Variants in ACTR3C observed in about 807,000 individuals in gnomAD.
The protein encoded by ACTR3C is actin-related protein 3C.
ACTR3C carries 18 observed loss-of-function variants against 26.3 expected under a neutral mutation model. The ratio of observed to expected loss-of-function variants is 0.68; its 90% CI spans 0.47 to 1.01. ACTR3C has a LOEUF of 1.01. Among genes scored for constraint, ACTR3C ranks in the 50% least tolerant of loss-of-function variants. ACTR3C has a pLI of 0.00. For missense variants in ACTR3C, 184 were observed against 250.7 expected, an observed-to-expected ratio of 0.73 and a Z score of 1.80; for synonymous variants, 55 against 94.5, an observed-to-expected ratio of 0.58 and a Z score of 2.42.
chr7:150,161,292 G>A, the ACTR3C span, among the ~76,000 whole-genome samples: 1 of 146,674 alleles, frequency 6.8e-6, no homozygotes, highest in South Asian at 2.2e-4. Context: ...GTATACATGT[G>A]CCATGTTGGT....
chr7:149,895,433 AT>A, the ACTR3C span, among the ~76,000 whole-genome samples: 1 of 152,206 alleles, frequency 6.6e-6, no homozygotes, highest in African/African-American at 2.4e-5. Flanking sequence ...GAGGTAATGC[AT>A]TTGTTAATTA....
At chr7:150,257,992 G>A (rs1456735482) in intron 6 of ACTR3C, among the ~76,000 whole-genome samples, 2 of 152,232 alleles carry the variant, frequency 1.3e-5, no homozygotes, top group Non-Finnish European at 2.9e-5. Flanking sequence ...CTAGATGCCA[G>A]GAGGTTAGAG....
At chr7:150,024,890 A>T in the ACTR3C span, among the ~76,000 whole-genome samples, 4 of 150,844 alleles carry the variant, frequency 2.7e-5, no homozygotes, top group East Asian at 2.0e-4. Flanking sequence ...AAGGAATCAA[A>T]TCCTGTCTAT....
At chr7:150,301,686 A>G (rs1166175202) in intron 1 of ACTR3C, among the ~76,000 whole-genome samples, 1 of 151,820 alleles carries the variant, frequency 6.6e-6, no homozygotes, top group African/African-American at 2.4e-5. Context: ...ATGGAATATT[A>G]TTCAGCCTTA....
At chr7:150,244,421 C>T (rs1304653223), downstream of ACTR3C, 1 of 151,334 alleles carries the variant, frequency 6.6e-6, no homozygotes, top group Non-Finnish European at 1.5e-5. Context: ...TGTAAAATAA[C>T]TTAGTTGTCA....
At chr7:150,284,424 T>C (rs929629268) in intron 6 of ACTR3C, among the ~76,000 whole-genome samples, 3 of 152,084 alleles carry the variant, frequency 2.0e-5, no homozygotes, top group East Asian at 3.9e-4. Flanking sequence ...CGTGCACCTG[T>C]AGTCCCAGCT....
At chr7:150,144,658 G>T in the ACTR3C span, among the ~76,000 whole-genome samples, 1 of 152,108 alleles carries the variant, frequency 6.6e-6, no homozygotes, top group Non-Finnish European at 1.5e-5. The surrounding 1 kb of genome is among the most constrained non-coding windows in gnomAD (Gnocchi z 4.6). Context: ...TCTCTACAGT[G>T]TACAAGAAAT....
At chr7:150,195,052 C>G in the ACTR3C span, among the ~76,000 whole-genome samples, 1 of 151,250 alleles carries the variant, frequency 6.6e-6, no homozygotes, top group Admixed American at 6.6e-5. Flanking sequence ...CAAGATCGTG[C>G]CACTAGACTC....
At chr7:149,963,476 C>T in the ACTR3C span, among the ~76,000 whole-genome samples, 484 of 152,306 alleles carry the variant, frequency 3.2e-3, 5 homozygotes, top group African/African-American at 0.011. Flanking sequence ...AAAGCACTTC[C>T]TCATTTATCC....
the ACTR3C span, among the ~76,000 whole-genome samples, chr7:150,211,473 G>T: frequency 1.3e-5 from 2 of 151,560 alleles, no homozygotes; most frequent in African/African-American, 4.9e-5. Context: ...TAGAGATGGG[G>T]TTTCGCCATG....
the ACTR3C span, among the ~76,000 whole-genome samples, chr7:150,228,506 A>G: frequency 0.012 from 1,769 of 152,330 alleles, 44 homozygotes; most frequent in African/African-American, 0.04. Context: ...TACCCAATGT[A>G]ATTACAAGGG....
chr7:150,096,754 T>C, the ACTR3C span, among the ~76,000 whole-genome samples: 2 of 151,942 alleles, frequency 1.3e-5, no homozygotes, highest in African/African-American at 4.9e-5. Context: ...GGATAGAGCC[T>C]ATTTCCCCAT....
chr7:149,947,657 A>C, the ACTR3C span, among the ~76,000 whole-genome samples: 1 of 115,016 alleles, frequency 8.7e-6, no homozygotes, highest in African/African-American at 4.6e-5. Flanking sequence ...CAGCGTGTGC[A>C]GGATGAGTGG....
chr7:150,198,164 G>A, the ACTR3C span, among the ~76,000 whole-genome samples: 1 of 150,650 alleles, frequency 6.6e-6, no homozygotes, highest in African/African-American at 2.5e-5. Context: ...TGCCCAGGCT[G>A]GAGTGCAGTG....
the ACTR3C span, among the ~76,000 whole-genome samples, chr7:149,922,834 T>C: frequency 1.3e-5 from 2 of 152,040 alleles, no homozygotes; most frequent in African/African-American, 4.8e-5. Flanking sequence ...GAAGCTTTTA[T>C]GGCAGTTGTA....
At chr7:149,886,025 T>C in the ACTR3C span, among the ~76,000 whole-genome samples, 624 of 152,366 alleles carry the variant, frequency 4.1e-3, 4 homozygotes, top group Non-Finnish European at 6.7e-3. Flanking sequence ...ATAATATTAG[T>C]AGCACCTGCC....
chr7:150,066,652 C>T, the ACTR3C span, among the ~76,000 whole-genome samples: 6 of 152,208 alleles, frequency 3.9e-5, no homozygotes, highest in Non-Finnish European at 7.3e-5. Flanking sequence ...GTGGCATTCA[C>T]ATCGTTCACA....
At chr7:150,041,725 T>C in the ACTR3C span, among the ~76,000 whole-genome samples, 58 of 92,254 alleles carry the variant, frequency 6.3e-4, 1 homozygote, top group East Asian at 0.016. Flanking sequence ...TGCCTCCCCC[T>C]CCTGCGATGG....
chr7:150,121,402 T>C, the ACTR3C span, among the ~76,000 whole-genome samples: 2 of 151,618 alleles, frequency 1.3e-5, no homozygotes, highest in Non-Finnish European at 2.9e-5. Flanking sequence ...CAAAAATCAA[T>C]GTGCAAAAAT....
Sources: allele counts gnomAD v4.1 joint callset (sites outside exome capture counted in the v4.1 genomes callset), GRCh38; gene constraint gnomAD v4.1.1; non-coding constraint Gnocchi (gnomAD v3.1); transcripts MANE v1.5; gene names NCBI Gene and HGNC (gene_info 2026-07-23, HGNC 2026-07-21).